Variants in CACNA1E observed in about 807,000 individuals in gnomAD.
CACNA1E encodes the protein calcium voltage-gated channel subunit alpha1 E.
CACNA1E carries 40 observed loss-of-function variants against 259.2 expected under a neutral mutation model. The observed-to-expected ratio is 0.15, with a 90% CI of 0.12 to 0.20. The LOEUF is 0.20. Ranked by LOEUF, CACNA1E falls within the 10% of genes least tolerant of loss-of-function variation. CACNA1E has a pLI of 1.00. For synonymous variants in CACNA1E, 1,104 were observed against 1,138.5 expected, an observed-to-expected ratio of 0.97 and a Z score of 0.61; for missense variants, 1,874 against 3,040.1, an observed-to-expected ratio of 0.62 and a Z score of 9.02.
intron 21 of CACNA1E, 134 bp downstream of exon 21, chr1:181,733,884 G>A (rs1182766928): frequency 3.2e-6 from 2 of 623,532 alleles, no homozygotes; most frequent in Non-Finnish European, 5.0e-6. Flanking sequence ...AATGAGTGGC[G>A]GTTTTCTCCC....
intron 1 of CACNA1E, among the ~76,000 whole-genome samples, chr1:181,506,587 T>C (rs1039627005): frequency 7.2e-5 from 11 of 152,202 alleles, no homozygotes; most frequent in Admixed American, 2.0e-4. Context: ...TTTCTTGATT[T>C]AAATAGGAGA....
intron 6 of CACNA1E, among the ~76,000 whole-genome samples, chr1:181,623,186 C>T (rs1655881148): frequency 6.6e-6 from 1 of 152,132 alleles, no homozygotes; most frequent in African/African-American, 2.4e-5. Flanking sequence ...GAAGGCTCTC[C>T]CTAACTAATT....
chr1:181,384,475 T>G (rs533035465), intron 1 of CACNA1E, among the ~76,000 whole-genome samples: 6 of 152,158 alleles, frequency 3.9e-5, no homozygotes, highest in Non-Finnish European at 7.4e-5. Flanking sequence ...CACTACTTCC[T>G]TTTTCCATGT....
chr1:181,793,700 C>T lies in CACNA1E; in HGVS notation c.5934C>T (p.Pro1978=). The T allele has an allele frequency of 1.2e-6, 2 of 1,611,116 alleles. No individual in the cohort carries two copies. The highest frequency in any genetic ancestry group is 1.7e-6 in the Non-Finnish European group (2 of 1,179,246). The change falls in exon 45 of 48, where the codon CCC becomes CCT. Residue 1978 remains proline, a synonymous_variant. Coordinates refer to ENST00000367573, the MANE Select transcript of CACNA1E (RefSeq NM_001205293.3). ...PEVSELKSVQ[P]SNHGIYLPSD... is the part of the protein sequence containing the mutation. ...TTAGTGAATTAAAAAGCGTGCAGCC[C>T]TCTAACCATGGCATCTACCTTCCTT...
chr1:181,655,547 A>C (rs1318307645), intron 7 of CACNA1E, among the ~76,000 whole-genome samples: 1 of 152,216 alleles, frequency 6.6e-6, no homozygotes, highest in Non-Finnish European at 1.5e-5. Context: ...TGGGATCACA[A>C]TATTTTTGAT....
chr1:181,740,942 C>T (rs972462755), intron 25 of CACNA1E, among the ~76,000 whole-genome samples: 12 of 152,300 alleles, frequency 7.9e-5, no homozygotes, highest in South Asian at 2.1e-4. Context: ...GCTCCTCTTC[C>T]GTCTTCTTGG....
At chr1:181,728,316 G>T (rs1439142596) in intron 18 of CACNA1E, among the ~76,000 whole-genome samples, 1 of 152,190 alleles carries the variant, frequency 6.6e-6, no homozygotes, top group Non-Finnish European at 1.5e-5. Flanking sequence ...ACTATTTCTG[G>T]AATGAAAGAA....
intron 1 of CACNA1E, among the ~76,000 whole-genome samples, chr1:181,351,558 A>T (rs778302038): frequency 3.9e-5 from 6 of 152,190 alleles, no homozygotes; most frequent in Admixed American, 6.5e-5. Context: ...TGGTGGCCAG[A>T]TGTCCTCAAT....
chr1:181,516,878 C>T (rs747440208), intron 3 of CACNA1E, among the ~76,000 whole-genome samples: 6 of 152,226 alleles, frequency 3.9e-5, no homozygotes, highest in African/African-American at 7.2e-5. Flanking sequence ...AGGTGACCTG[C>T]GTTGGCTCTT....
intron 3 of CACNA1E, among the ~76,000 whole-genome samples, chr1:181,544,541 T>C (rs572700372): frequency 6.6e-6 from 1 of 152,348 alleles, no homozygotes; most frequent in East Asian, 1.9e-4. Context: ...CCAATTGCAG[T>C]ATACGTTTTA....
rs114643545 is a variant in CACNA1E, at chr1:181,348,640, T to C, written c.-15+30517T>C. ...GTTGCCTCAGTGGTTTTTGTGCCTT[T>C]TAGTATTTACTGCACACTCTCTTCT... On this transcript the variant is annotated intron_variant, in intron 1 of 11. Transcript: ENST00000524607. Among the ~76,000 whole-genome samples the C allele has an allele frequency of 1.2e-3, 187 of 152,216 alleles. 1 individual carries two copies. Among genetic ancestry groups the C allele is most frequent in the African/African-American group, 4.3e-3 (179 of 41,544 alleles).
chr1:181,357,489 A>G (rs1051355059), intron 1 of CACNA1E, among the ~76,000 whole-genome samples: 5 of 152,184 alleles, frequency 3.3e-5, no homozygotes, highest in African/African-American at 7.2e-5. Context: ...TGTAGTGAGC[A>G]GACTCCTGTT....
Position 181,715,381 on chromosome 1 carries a change from C to A in CACNA1E, c.1215C>A (p.Ser405=), listed in dbSNP as rs35265801. 9.0e-4 allele frequency: 1,428 copies of A among 1,592,062 alleles called. 1 individual carries two copies. The highest frequency in any genetic ancestry group is 1.1e-3 in the Non-Finnish European group (1,317 of 1,163,164). Residue 405 remains serine (S), a synonymous_variant, in exon 9 of 48, where the codon TCC becomes TCA. Transcript: ENST00000367573. The part of the protein sequence containing the change: ...LAEENKNAGT[S]ALEVLRRATI... The stretch of plus-strand genomic sequence containing the variant: ...AAGAAAATAAAAATGCTGGAACATC[C>A]GCCTTAGAAGGTAAGGAAATGTTCT...
At chr1:181,760,023 T>C (rs1658437179) in intron 32 of CACNA1E, among the ~76,000 whole-genome samples, 1 of 152,174 alleles carries the variant, frequency 6.6e-6, no homozygotes, top group Non-Finnish European at 1.5e-5. Context: ...TAAAAGAAAC[T>C]ACTACCAACA....
rs564939668 is a variant in CACNA1E, at chr1:181,731,659, C to T, written c.2297+428C>T. Among the ~76,000 whole-genome samples the T allele has an allele frequency of 3.9e-5, 6 of 152,204 alleles. No individual in the cohort carries two copies. In the South Asian group the frequency reaches 1.2e-3, roughly 32 times the overall value. On this transcript the variant is annotated intron_variant, in intron 19 of 47. Coordinates refer to ENST00000367573, the MANE Select transcript of CACNA1E (RefSeq NM_001205293.3). ...TAACTTCCCCTCCGCCCAGCGAGCCCTCTCCCATGTGCTCTCCTGCACTTG... is the reference window on the plus strand; with the variant it reads ...TAACTTCCCCTCCGCCCAGCGAGCCTTCTCCCATGTGCTCTCCTGCACTTG...
intron 6 of CACNA1E, among the ~76,000 whole-genome samples, chr1:181,584,301 A>G (rs1301995543): frequency 6.6e-6 from 1 of 152,196 alleles, no homozygotes; most frequent in Non-Finnish European, 1.5e-5. Flanking sequence ...AGAGGCAGAA[A>G]TTTCTTGGAG....
intron 6 of CACNA1E, among the ~76,000 whole-genome samples, chr1:181,588,307 G>A (rs771933457): frequency 5.9e-5 from 9 of 152,126 alleles, no homozygotes; most frequent in Non-Finnish European, 1.2e-4. Flanking sequence ...ACTTAACGTT[G>A]CAGCTTATGA....
intron 1 of CACNA1E, among the ~76,000 whole-genome samples, chr1:181,391,213 A>C (rs1656251105): frequency 6.6e-6 from 1 of 152,020 alleles, no homozygotes; most frequent in South Asian, 2.1e-4. Context: ...AATTCTACTC[A>C]TTTTCCTCTT....
At chr1:181,385,153 G>C (rs1192521827) in intron 1 of CACNA1E, among the ~76,000 whole-genome samples, 3 of 152,066 alleles carry the variant, frequency 2.0e-5, no homozygotes, top group Admixed American at 2.0e-4. Flanking sequence ...TAATCCTGTT[G>C]CATGGCTCTT....
Sources: allele counts gnomAD v4.1 joint callset (sites outside exome capture counted in the v4.1 genomes callset), GRCh38; gene constraint gnomAD v4.1.1; transcripts MANE v1.5; gene names NCBI Gene and HGNC (gene_info 2026-07-23, HGNC 2026-07-21).